The following PTPRD variants were observed in gnomAD, a reference collection of about 807,000 sequenced individuals.
The protein encoded by PTPRD is protein tyrosine phosphatase receptor type D.
A neutral mutation model predicts 214.5 loss-of-function variants in PTPRD; 34 were observed. That is an observed-to-expected ratio of 0.16 (90% CI 0.12 to 0.21). The LOEUF (loss-of-function observed/expected upper bound fraction) is 0.21, where lower values mean the gene tolerates loss of function less well. Among genes scored for constraint, PTPRD ranks in the 10% least tolerant of loss-of-function variants. PTPRD has a pLI of 1.00. For synonymous variants in PTPRD, 1,128 were observed against 845.7 expected, an observed-to-expected ratio of 1.33 and a Z score of -5.79; for missense variants, 2,545 against 2,398.7, an observed-to-expected ratio of 1.06 and a Z score of -1.27.
In PTPRD at chr9:9,980,626, A is replaced by C. The variant is rs576150861; in HGVS notation, c.-471-42016T>G. 4.4e-5 allele frequency among the ~76,000 whole-genome samples: 5 copies of C among 114,350 alleles called. 1 individual carries two copies. The East Asian group carries it at 6.1e-4, about 14-fold the overall frequency. The allele number at this position is 114,350 out of a possible 152,430, so 75.0% of individuals were successfully genotyped here. A position where few individuals can be genotyped will look rare whatever the true frequency, so the allele number is the denominator to read the frequency against. ...ACCTTGTCAAAAAAAAACAAAAAAA[A>C]AAAAAAAACAAAAAAAAAAACCCTT... On this transcript the variant is annotated intron_variant, in intron 4 of 45. Coordinates refer to ENST00000381196, the MANE Select transcript of PTPRD (RefSeq NM_002839.4).
At chr9:9,006,254 C>T (rs1184563227) in intron 11 of PTPRD, among the ~76,000 whole-genome samples, 1 of 151,870 alleles carries the variant, frequency 6.6e-6, no homozygotes, top group Non-Finnish European at 1.5e-5. Flanking sequence ...ATTCTAGGTC[C>T]TCCTATGTTA....
intron 3 of PTPRD, among the ~76,000 whole-genome samples, chr9:10,102,722 G>A (rs1189911658): frequency 6.6e-6 from 1 of 151,420 alleles, no homozygotes; most frequent in Non-Finnish European, 1.5e-5. Context: ...TCTGATATAT[G>A]TCTTCAGTTT....
intron 10 of PTPRD, among the ~76,000 whole-genome samples, chr9:9,171,464 G>C (rs536737639): frequency 4.7e-4 from 72 of 151,726 alleles, no homozygotes; most frequent in Admixed American, 5.9e-4. Flanking sequence ...CAAGTAAAGA[G>C]AAAGAGCATG....
chr9:9,821,264 TG>T (rs2050623091), intron 5 of PTPRD, among the ~76,000 whole-genome samples: 1 of 152,192 alleles, frequency 6.6e-6, no homozygotes, highest in African/African-American at 2.4e-5. Flanking sequence ...ACATTGATTT[TG>T]TACCCTGAAA....
intron 7 of PTPRD, among the ~76,000 whole-genome samples, chr9:9,603,987 A>AT (rs946169165): frequency 2.6e-5 from 4 of 151,998 alleles, no homozygotes; most frequent in Admixed American, 2.6e-4. Context: ...ACTCATTAAA[A>AT]TTTTTTTTAA....
At chr9:8,920,143 C>A (rs1014440691) in intron 11 of PTPRD, among the ~76,000 whole-genome samples, 5 of 152,112 alleles carry the variant, frequency 3.3e-5, no homozygotes, top group African/African-American at 1.2e-4. Flanking sequence ...GAGTGTGAGA[C>A]CACCCCGGGC....
At chr9:8,699,901 G>A (rs1354671276) in intron 12 of PTPRD, among the ~76,000 whole-genome samples, 2 of 152,096 alleles carry the variant, frequency 1.3e-5, no homozygotes, top group African/African-American at 4.8e-5. Context: ...ACTAAACATG[G>A]CCATTTTGTA....
chr9:9,685,568 T>C (rs2097152227), intron 7 of PTPRD, among the ~76,000 whole-genome samples: 1 of 151,480 alleles, frequency 6.6e-6, no homozygotes, highest in East Asian at 1.9e-4. Context: ...GAAAAATAAA[T>C]CTTAACAACC....
intron 11 of PTPRD, among the ~76,000 whole-genome samples, chr9:8,777,111 CT>C (rs2095516952): frequency 6.6e-6 from 1 of 151,814 alleles, no homozygotes; most frequent in Admixed American, 6.6e-5. Context: ...TCCCAAGTAG[CT>C]GGAACTACAG....
intron 14 of PTPRD, among the ~76,000 whole-genome samples, chr9:8,584,354 T>A (rs1260504231): frequency 2.6e-5 from 4 of 151,962 alleles, no homozygotes; most frequent in African/African-American, 9.7e-5. Flanking sequence ...CCCCAGACCA[T>A]TAGGTTGGGT....
intron 2 of PTPRD, among the ~76,000 whole-genome samples, chr9:10,442,639 G>T (rs140308303): frequency 1.1e-3 from 163 of 151,680 alleles, no homozygotes; most frequent in Middle Eastern, 3.4e-3. Flanking sequence ...CTGAGTCCCT[G>T]CCATTGCTGA....
intron 11 of PTPRD, among the ~76,000 whole-genome samples, chr9:8,999,256 T>C (rs183873026): frequency 6.6e-6 from 1 of 152,028 alleles, no homozygotes; most frequent in Non-Finnish European, 1.5e-5. Flanking sequence ...GAAAAGTAAA[T>C]TGATGTGCAA....
chr9:8,723,343 T>G (rs1396365946), intron 12 of PTPRD, among the ~76,000 whole-genome samples: 1 of 152,170 alleles, frequency 6.6e-6, no homozygotes, highest in African/African-American at 2.4e-5. Context: ...AACCAAGACC[T>G]ATCCTCTCCC....
At chr9:9,936,837 A>G (rs1447530596) in intron 5 of PTPRD, among the ~76,000 whole-genome samples, 1 of 142,816 alleles carries the variant, frequency 7.0e-6, no homozygotes, top group Non-Finnish European at 1.5e-5. Flanking sequence ...AATGTCCAAC[A>G]ATGATAGACT....
At chr9:9,828,031 T>C (rs1443704700) in intron 5 of PTPRD, among the ~76,000 whole-genome samples, 9 of 152,166 alleles carry the variant, frequency 5.9e-5, no homozygotes, top group East Asian at 1.9e-4. Context: ...TGTGGAGAAA[T>C]AGGAACACTT....
At chr9:9,765,761 C>T (rs1057025105) in intron 6 of PTPRD, among the ~76,000 whole-genome samples, 2 of 152,202 alleles carry the variant, frequency 1.3e-5, no homozygotes, top group East Asian at 1.9e-4. Flanking sequence ...CCTGGGTTCA[C>T]GCCATTCTCC....
At chr9:9,534,533 T>G (rs1019768905) in intron 8 of PTPRD, among the ~76,000 whole-genome samples, 3 of 152,122 alleles carry the variant, frequency 2.0e-5, no homozygotes, top group African/African-American at 7.2e-5. Flanking sequence ...ATAAATTTTT[T>G]AAAATTATAC....
At chr9:8,686,602 T>C (rs985645164) in intron 12 of PTPRD, among the ~76,000 whole-genome samples, 4 of 152,272 alleles carry the variant, frequency 2.6e-5, no homozygotes, top group Non-Finnish European at 5.9e-5. Flanking sequence ...AAGCCAAAAA[T>C]GTGTCCATGT....
At chr9:9,286,901 T>TATATATATATAC (rs1949616282) in intron 9 of PTPRD, among the ~76,000 whole-genome samples, 1 of 28,542 alleles carries the variant, frequency 3.5e-5, no homozygotes, top group South Asian at 1.3e-3. Flanking sequence ...TATATATATA[T>TATATATATATAC]ATATATATAT....
Sources: allele counts gnomAD v4.1 joint callset (sites outside exome capture counted in the v4.1 genomes callset), GRCh38; gene constraint gnomAD v4.1.1; transcripts MANE v1.5; gene names NCBI Gene and HGNC (gene_info 2026-07-23, HGNC 2026-07-21).